The following IL1RAP variants were observed in gnomAD, a reference collection of about 807,000 sequenced individuals.
IL1RAP encodes interleukin 1 receptor accessory protein, also known as interleukin-1 receptor accessory protein.
Under a neutral mutation model 60.7 loss-of-function variants are expected in IL1RAP, and 35 were observed. That is an observed-to-expected ratio of 0.58 (90% CI 0.44 to 0.76). The LOEUF (loss-of-function observed/expected upper bound fraction) is 0.76, where lower values mean the gene tolerates loss of function less well. Among genes scored for constraint, IL1RAP ranks in the 30% least tolerant of loss-of-function variants. The pLI, the probability that IL1RAP is intolerant of heterozygous loss-of-function variation, is 0.00. For synonymous variants in IL1RAP, 268 were observed against 250.9 expected (o/e 1.07, Z -0.64); for missense variants, 572 against 693.9 (o/e 0.82, Z 1.97).
At chr3:190,655,607 T>TGTGTG (rs1734591779), downstream of IL1RAP, among the ~76,000 whole-genome samples, 2 of 94,632 alleles carry the variant, frequency 2.1e-5, no homozygotes, top group Admixed American at 1.1e-4. Flanking sequence ...GTGTGTGTGT[T>TGTGTG]TTAAGAAAGA....
At chr3:190,527,541 G>A (rs1722611288) in intron 1 of IL1RAP, among the ~76,000 whole-genome samples, 1 of 152,158 alleles carries the variant, frequency 6.6e-6, no homozygotes, top group Non-Finnish European at 1.5e-5. Flanking sequence ...ATGAGGCAAA[G>A]GTTGCATGTG....
intron 1 of IL1RAP, among the ~76,000 whole-genome samples, chr3:190,547,629 T>A (rs1457537847): frequency 6.6e-6 from 1 of 152,186 alleles, no homozygotes; most frequent in Non-Finnish European, 1.5e-5. Context: ...ATAGGCTGTT[T>A]TCTCCTATAG....
At chr3:190,521,488 C>T (rs185016726) in intron 1 of IL1RAP, among the ~76,000 whole-genome samples, 96 of 151,574 alleles carry the variant, frequency 6.3e-4, no homozygotes, top group African/African-American at 2.3e-3. Flanking sequence ...TCAATCAGCC[C>T]TGGTCCTGGT....
At chr3:190,643,439 T>C (rs1272588059) in intron 9 of IL1RAP, among the ~76,000 whole-genome samples, 1 of 152,284 alleles carries the variant, frequency 6.6e-6, no homozygotes, top group East Asian at 1.9e-4. Context: ...ACCTTGATTA[T>C]AGGGCTAATG....
At chr3:190,556,311 A>G (rs1370538064) in intron 2 of IL1RAP, 95 bp downstream of exon 2, 1 of 152,156 alleles carries the variant, frequency 6.6e-6, no homozygotes, top group Admixed American at 6.5e-5. Context: ...AAATTTAAAC[A>G]AAACCAAGCA....
Position 190,532,479 on chromosome 3 carries a change from T to G in IL1RAP, c.-89+18260T>G, listed in dbSNP as rs569141236. Among the ~76,000 whole-genome samples, 26 of 152,110 alleles carry G rather than the reference T, an allele frequency of 1.7e-4. No homozygotes were observed. The East Asian group carries it at 2.9e-3, about 17-fold the overall frequency. On this transcript the variant is annotated intron_variant, in intron 1 of 11. Transcript: ENST00000447382. The stretch of plus-strand genomic sequence containing the variant: ...GGGTTTCACCGTGTTAGCCAGGATG[T>G]TCTCGATCTCCTGACCTCGTGATCT...
rs570125471 is a variant in IL1RAP at position 190,571,069 on chromosome 3, T to C, written c.64+6716T>C. Among the ~76,000 whole-genome samples the C allele has an allele frequency of 3.9e-5, 6 of 152,332 alleles. No homozygotes were observed. In the East Asian group the frequency reaches 1.2e-3, roughly 29 times the overall value. On this transcript the variant is annotated intron_variant, in intron 3 of 11. Coordinates refer to ENST00000447382, the MANE Select transcript of IL1RAP (RefSeq NM_002182.4). ...GGAACCTTCTCCAGGACCTACTGCA[T>C]ACGTGTAGATACTCAAGAGGAAAGA...
At chr3:190,546,400 C>T (rs1356385990) in intron 1 of IL1RAP, among the ~76,000 whole-genome samples, 1 of 152,204 alleles carries the variant, frequency 6.6e-6, no homozygotes, top group African/African-American at 2.4e-5. Context: ...CCTTTTCTCT[C>T]CCCACAACTC....
At chr3:190,641,404 A>T (rs929129028) in intron 9 of IL1RAP, among the ~76,000 whole-genome samples, 1 of 152,248 alleles carries the variant, frequency 6.6e-6, no homozygotes, top group Non-Finnish European at 1.5e-5. Context: ...TTTACCTGAA[A>T]GCCCTGTAGA....
intron 5 of IL1RAP, among the ~76,000 whole-genome samples, chr3:190,617,749 G>A (rs1239592725): frequency 6.6e-6 from 1 of 152,050 alleles, no homozygotes; most frequent in Non-Finnish European, 1.5e-5. Context: ...ATGTGTCTCA[G>A]GTACATGTGT....
intron 1 of IL1RAP, among the ~76,000 whole-genome samples, chr3:190,516,924 CTG>C (rs1272716655): frequency 6.6e-6 from 1 of 152,204 alleles, no homozygotes; most frequent in Admixed American, 6.5e-5. Flanking sequence ...TGTTTCAACT[CTG>C]GGAATACAGT....
intron 3 of IL1RAP, among the ~76,000 whole-genome samples, chr3:190,578,171 C>G (rs932705946): frequency 6.6e-6 from 1 of 152,084 alleles, no homozygotes; most frequent in Admixed American, 6.5e-5. Flanking sequence ...ACCCCCATAT[C>G]TAAAATGAAA....
At chr3:190,607,245 T>A (rs1394451398) in intron 4 of IL1RAP, among the ~76,000 whole-genome samples, 1 of 152,132 alleles carries the variant, frequency 6.6e-6, no homozygotes, top group East Asian at 1.9e-4. Context: ...TAGACAAAAA[T>A]CACAGAAATG....
intron 1 of IL1RAP, among the ~76,000 whole-genome samples, chr3:190,538,838 A>G (rs916533974): frequency 1.3e-5 from 2 of 152,024 alleles, no homozygotes; most frequent in Non-Finnish European, 2.9e-5. Flanking sequence ...ACGAGATCTG[A>G]TGGCTTTATA....
intron 1 of IL1RAP, among the ~76,000 whole-genome samples, chr3:190,555,221 G>C (rs16865590): frequency 0.087 from 13,285 of 152,066 alleles, 684 homozygotes; most frequent in African/African-American, 0.13. Context: ...TTGGGCCTGT[G>C]GTGGTGATAA....
At chr3:190,567,559 T>C (rs1726526950) in intron 3 of IL1RAP, among the ~76,000 whole-genome samples, 1 of 152,200 alleles carries the variant, frequency 6.6e-6, no homozygotes, top group Non-Finnish European at 1.5e-5. Flanking sequence ...AACGAGTTTC[T>C]GGATTCCTGA....
intron 1 of IL1RAP, among the ~76,000 whole-genome samples, chr3:190,543,530 T>C (rs1483989648): frequency 2.0e-5 from 3 of 152,140 alleles, no homozygotes; most frequent in African/African-American, 7.2e-5. Flanking sequence ...GCTAACGTTT[T>C]AGGAAGAAGG....
intron 9 of IL1RAP, among the ~76,000 whole-genome samples, chr3:190,630,444 C>G (rs1388639651): frequency 6.6e-6 from 1 of 152,092 alleles, no homozygotes; most frequent in Non-Finnish European, 1.5e-5. Flanking sequence ...GGCTCCTAGT[C>G]TATAGAGTGT....
chr3:190,620,601 T>A (rs1419623738), intron 6 of IL1RAP, among the ~76,000 whole-genome samples, 161 bp downstream of exon 6: 2 of 152,098 alleles, frequency 1.3e-5, no homozygotes, highest in African/African-American at 4.8e-5. Flanking sequence ...TCCATGCACA[T>A]CGTAAGCATT....
Sources: allele counts gnomAD v4.1 joint callset (sites outside exome capture counted in the v4.1 genomes callset), GRCh38; gene constraint gnomAD v4.1.1; transcripts MANE v1.5; gene names NCBI Gene and HGNC (gene_info 2026-07-23, HGNC 2026-07-21).